Variants in POLK observed in about 807,000 individuals in gnomAD.
POLK encodes the protein DNA polymerase kappa, also known as polymerase (DNA directed) kappa.
A neutral mutation model predicts 94.0 loss-of-function variants in POLK; 76 were observed. The ratio of observed to expected loss-of-function variants is 0.81; its 90% CI spans 0.67 to 0.98. The LOEUF (loss-of-function observed/expected upper bound fraction) is 0.98. Among genes scored for constraint, POLK ranks in the 50% least tolerant of loss-of-function variants. The pLI is 0.00. For synonymous variants in POLK, 349 were observed against 325.4 expected, an observed-to-expected ratio of 1.07 and a Z score of -0.78; for missense variants, 954 against 1,010.1, an observed-to-expected ratio of 0.94 and a Z score of 0.75.
chr5:75,576,922 C>T, exon 6 of POLK: 1 of 1,549,516 alleles, frequency 6.5e-7, no homozygotes, highest in Non-Finnish European at 8.7e-7. Flanking sequence ...ATGGGAAGCT[C>T]TGTAGAAAAT....
chr5:75,566,218 A>T (rs1009676424), intron 3 of POLK, among the ~76,000 whole-genome samples: 1 of 152,124 alleles, frequency 6.6e-6, no homozygotes, highest in Non-Finnish European at 1.5e-5. Flanking sequence ...ACCTCCCTTC[A>T]CCAAGCTGGA....
At chr5:75,588,944 A>G (rs1772609893) in intron 10 of POLK, among the ~76,000 whole-genome samples, 1 of 152,220 alleles carries the variant, frequency 6.6e-6, no homozygotes, top group Non-Finnish European at 1.5e-5. Context: ...GTAAGATACT[A>G]GGTTCACAGA....
upstream of POLK, chr5:75,511,036 C>CA: frequency 6.9e-7 from 1 of 1,449,320 alleles, no homozygotes; most frequent in African/African-American, 1.4e-5. Flanking sequence ...CCGCCAGCCC[C>CA]ACCCCACCGC....
intron 1 of POLK, among the ~76,000 whole-genome samples, chr5:75,516,277 T>G (rs997304859): frequency 7.9e-5 from 12 of 152,168 alleles, no homozygotes; most frequent in African/African-American, 2.9e-4. Flanking sequence ...GCTTTTGTGG[T>G]CTTACACAGA....
chr5:75,574,386 A>G (rs990310052), intron 5 of POLK, among the ~76,000 whole-genome samples: 1 of 152,208 alleles, frequency 6.6e-6, no homozygotes, highest in Non-Finnish European at 1.5e-5. Context: ...CATTGCTTCA[A>G]AAAGGATCTT....
At chr5:75,531,532 C>A (rs536899312) in intron 1 of POLK, among the ~76,000 whole-genome samples, 1 of 152,056 alleles carries the variant, frequency 6.6e-6, no homozygotes, top group South Asian at 2.1e-4. Context: ...TGGTGGCTCA[C>A]GCCTGTAATC....
Position 75,590,402 on chromosome 5 carries a change from AG to A in POLK, c.1319del (p.Ser440MetfsTer21). 1 of 1,610,560 alleles carries A rather than the reference AG, an allele frequency of 6.2e-7. No homozygotes were observed. Among genetic ancestry groups the A allele is most frequent in the East Asian group, 2.2e-5 (1 of 44,802 alleles). The stretch of plus-strand genomic sequence containing the variant: ...ATACAGCCTATGTCAAGAACTTTGC[AG>A]TGAGCTTGCTCAGGATCTACAGAAA... On this transcript the variant is annotated frameshift_variant, in exon 11 of 15. Transcript: ENST00000241436. LOFTEE classifies it high-confidence loss of function.
chr5:75,513,953 G>C (rs1191332852), intron 1 of POLK, among the ~76,000 whole-genome samples: 1 of 151,820 alleles, frequency 6.6e-6, no homozygotes, highest in African/African-American at 2.4e-5. Flanking sequence ...GAATCCTCTT[G>C]ATAGTTATTT....
rs201174686 is a variant in POLK at position 75,542,705 on chromosome 5, A to AT, written c.-13-4295dup. Among the ~76,000 whole-genome samples the AT allele has an allele frequency of 6.8e-3, 987 of 145,050 alleles. 10 individuals carry two copies. Among genetic ancestry groups the AT allele is most frequent in the African/African-American group, 0.023 (899 of 39,572 alleles). ...TATATACATATATGTATATATATGT[A>AT]TTTTTTTTTTGAGGCGGAGTCTTAC... On this transcript the variant is annotated intron_variant, in intron 1 of 14. Transcript: ENST00000241436.
chr5:75,548,440 C>T lies in POLK; in HGVS notation c.135+1283C>T, dbSNP rs970080557. On this transcript the variant is annotated intron_variant, in intron 2 of 14. Transcript: ENST00000241436. ...ATAAAAGAATTCTTTAATTTTTTTA[C>T]CACTTTTTTGTTTCATTTATATATT... Among the ~76,000 whole-genome samples, 7 of 150,134 alleles carry T rather than the reference C, an allele frequency of 4.7e-5. No homozygotes were observed. The East Asian group carries it at 1.4e-3, about 29-fold the overall frequency.
At chr5:75,576,892 A>G (rs748672584) in exon 6 of POLK, 1 of 1,569,586 alleles carries the variant, frequency 6.4e-7, no homozygotes, top group Non-Finnish European at 8.6e-7. Context: ...CCTGAGGATA[A>G]AAGAAGGTAT....
chr5:75,579,989 A>G (rs989401987), intron 6 of POLK, among the ~76,000 whole-genome samples: 57 of 151,476 alleles, frequency 3.8e-4, no homozygotes, highest in Middle Eastern at 3.4e-3. Flanking sequence ...AAAAAAAAAA[A>G]AGAGAGAAAG....
chr5:75,561,946 C>T (rs1001390480), intron 3 of POLK, among the ~76,000 whole-genome samples: 14 of 152,188 alleles, frequency 9.2e-5, no homozygotes, highest in African/African-American at 2.9e-4. Context: ...AGCATGATGC[C>T]TCCAGCTTTG....
chr5:75,591,283 A>G (rs1772768739), intron 11 of POLK, among the ~76,000 whole-genome samples: 1 of 152,192 alleles, frequency 6.6e-6, no homozygotes, highest in East Asian at 1.9e-4. Context: ...CTATGTTCAT[A>G]TAATGCATCA....
intron 10 of POLK, among the ~76,000 whole-genome samples, chr5:75,589,544 G>A (rs1772666343): frequency 6.6e-6 from 1 of 151,952 alleles, no homozygotes; most frequent in East Asian, 1.9e-4. Flanking sequence ...TCCGCCTCCT[G>A]GGTTCTCGCC....
intron 12 of POLK, among the ~76,000 whole-genome samples, chr5:75,594,343 C>T (rs1021100496): frequency 7.2e-5 from 11 of 152,202 alleles, no homozygotes; most frequent in African/African-American, 2.7e-4. Flanking sequence ...CCTGTATTCT[C>T]GCCTTCATTT....
chr5:75,573,593 A>G, intron 4 of POLK, 145 bp from the exon 5 acceptor site: 1 of 653,594 alleles, frequency 1.5e-6, no homozygotes, highest in Admixed American at 2.9e-5. Context: ...TTGGAAAACA[A>G]CAAAAACAAA....
chr5:75,602,889 A>G (rs568115938), downstream of POLK, among the ~76,000 whole-genome samples: 1 of 152,330 alleles, frequency 6.6e-6, no homozygotes, highest in Non-Finnish European at 1.5e-5. Flanking sequence ...AATTCACTCC[A>G]CCAGAAATGT....
At chr5:75,541,186 G>A (rs1258245133) in intron 1 of POLK, among the ~76,000 whole-genome samples, 1 of 152,084 alleles carries the variant, frequency 6.6e-6, no homozygotes, top group Non-Finnish European at 1.5e-5. Context: ...AGCTACTCGG[G>A]AGGCTGAGGC....
Sources: gnomAD v4.1 joint callset for allele counts (sites outside exome capture counted in the v4.1 genomes callset) on GRCh38, gnomAD v4.1.1 for gene constraint, MANE v1.5 for transcripts, NCBI Gene and HGNC (gene_info 2026-07-23, HGNC 2026-07-21) for gene names.